The following SOCS2 variants were observed in gnomAD, a reference collection of about 807,000 sequenced individuals.
SOCS2 encodes suppressor of cytokine signaling 2, also known as CIS-2.
A neutral mutation model predicts 18.6 loss-of-function variants in SOCS2; 10 were observed. That is an observed-to-expected ratio of 0.54 (90% CI 0.33 to 0.91). The LOEUF is 0.91. SOCS2 is among the 40% of genes least tolerant of loss of function. SOCS2 has a pLI of 0.02. For missense variants in SOCS2, 231 were observed against 247.2 expected, an observed-to-expected ratio of 0.93 and a Z score of 0.44; for synonymous variants, 104 against 104.0, an observed-to-expected ratio of 1.00 and a Z score of 0.00.
the SOCS2 span, among the ~76,000 whole-genome samples, chr12:93,599,988 TTG>T: frequency 2.0e-5 from 3 of 152,236 alleles, no homozygotes; most frequent in Non-Finnish European, 4.4e-5. Context: ...CAGTTTTAGC[TTG>T]TCTTTTCACT....
chr12:93,596,356 G>A, the SOCS2 span, among the ~76,000 whole-genome samples: 2 of 152,214 alleles, frequency 1.3e-5, no homozygotes, highest in Non-Finnish European at 2.9e-5. Flanking sequence ...AAGTGGCAGA[G>A]CCGAGATTTG....
the SOCS2 span, among the ~76,000 whole-genome samples, chr12:93,620,187 A>G: frequency 6.6e-5 from 10 of 152,152 alleles, no homozygotes; most frequent in Non-Finnish European, 1.2e-4. Context: ...ACATTTTTAC[A>G]TATACTGTAT....
At chr12:93,617,091 A>G in the SOCS2 span, among the ~76,000 whole-genome samples, 1 of 152,214 alleles carries the variant, frequency 6.6e-6, no homozygotes, top group East Asian at 1.9e-4. Flanking sequence ...CAGGCAAACA[A>G]TTATATCACT....
chr12:93,588,902 G>A, the SOCS2 span, among the ~76,000 whole-genome samples: 2 of 152,240 alleles, frequency 1.3e-5, no homozygotes, highest in Non-Finnish European at 2.9e-5. Context: ...GATTACAGGC[G>A]TGAGCCACCG....
chr12:93,575,173 G>A lies in SOCS2; in HGVS notation c.591G>A (p.Gln197=). 6.5e-7 allele frequency: 1 copy of A among 1,530,986 alleles called. No homozygotes were observed. Among genetic ancestry groups the A allele is most frequent in the African/African-American group, 1.4e-5 (1 of 72,014 alleles). 94.8% of individuals were successfully genotyped at this position (1,530,986 alleles called of 1,614,324 possible). A position where few individuals can be genotyped will look rare whatever the true frequency, so the allele number is the denominator to read the frequency against. The change falls in exon 2 of 2, where the codon CAG becomes CAA. Residue 197 remains glutamine, a synonymous_variant. Coordinates refer to ENST00000551556, the MANE Select transcript of SOCS2 (RefSeq NM_001270471.2). The stretch of plus-strand genomic sequence containing the variant: ...ATTACTTGGAAGAATATAAATTCCA[G>A]GTATAAATGTTTCTCTTTTTTTAAA... The part of the protein sequence containing the change: ...LKDYLEEYKF[Q]V
In SOCS2 at chr12:93,575,278, A is replaced by G. The variant is rs1174067005; in HGVS notation, c.*99A>G. On this transcript the variant is annotated 3_prime_UTR_variant, in exon 2 of 2. Transcript: ENST00000551556. ...TGAGTGCTCTGGATAACTATATGGAATGCTTTCTAAGAACAGCTGAAGCTA... is the reference window on the plus strand; with the variant it reads ...TGAGTGCTCTGGATAACTATATGGAGTGCTTTCTAAGAACAGCTGAAGCTA... The G allele has an allele frequency of 1.3e-6, 1 of 776,570 alleles. No homozygotes were observed. The highest frequency in any genetic ancestry group is 1.8e-5 in the African/African-American group (1 of 56,896). The allele number at this position is 776,570 out of a possible 1,614,324, so 48.1% of individuals were successfully genotyped here.
At chr12:93,606,334 T>C in the SOCS2 span, among the ~76,000 whole-genome samples, 1 of 152,186 alleles carries the variant, frequency 6.6e-6, no homozygotes, top group Admixed American at 6.5e-5. Context: ...GTGGATAGTT[T>C]CTATTAATCC....
upstream of SOCS2, chr12:93,571,339 C>T (rs1440622276): frequency 6.6e-6 from 1 of 152,230 alleles, no homozygotes; most frequent in Non-Finnish European, 1.5e-5. Flanking sequence ...CTCGGAGCGC[C>T]GGGGAAGAGA....
chr12:93,580,687 T>C (rs1219575233), downstream of SOCS2, among the ~76,000 whole-genome samples: 2 of 150,964 alleles, frequency 1.3e-5, no homozygotes, highest in East Asian at 3.9e-4. Flanking sequence ...CCAGAGAAAG[T>C]TGTTTGACTT....
intron 1 of SOCS2, chr12:93,574,343 A>T (rs1382973006): frequency 1.3e-5 from 2 of 149,532 alleles, no homozygotes; most frequent in East Asian, 3.9e-4. Context: ...CTAACTTCTG[A>T]TTTTTTTCTA....
chr12:93,587,674 C>G (rs1285226446), downstream of SOCS2, among the ~76,000 whole-genome samples: 1 of 140,134 alleles, frequency 7.1e-6, no homozygotes, highest in Non-Finnish European at 1.5e-5. Context: ...GAGCGAGACT[C>G]TGTCTAAAAA....
chr12:93,606,573 G>C, the SOCS2 span, among the ~76,000 whole-genome samples: 17 of 152,176 alleles, frequency 1.1e-4, no homozygotes, highest in South Asian at 3.5e-3. Context: ...GTGTTTGCTT[G>C]ATTTCATCAC....
the SOCS2 span, among the ~76,000 whole-genome samples, chr12:93,610,103 T>C: frequency 0.015 from 2,323 of 152,310 alleles, 72 homozygotes; most frequent in African/African-American, 0.053. Context: ...ATTAAGTTTT[T>C]AACATATGAA....
At chr12:93,576,844 T>C (rs941732484), downstream of SOCS2, 1 of 152,224 alleles carries the variant, frequency 6.6e-6, no homozygotes, top group Admixed American at 6.5e-5. Flanking sequence ...CACAAAAGAT[T>C]GCTAGGTGTG....
At chr12:93,603,740 A>G in the SOCS2 span, among the ~76,000 whole-genome samples, 19 of 152,172 alleles carry the variant, frequency 1.2e-4, no homozygotes, top group African/African-American at 4.6e-4. Context: ...TGACAATTTA[A>G]AGGGCACGCA....
rs1414325684 is a variant in SOCS2, at chr12:93,575,966, A to C, written c.*787A>C. 6.5e-6 allele frequency: 1 copy of C among 152,688 alleles called. No individual in the cohort carries two copies. The highest frequency in any genetic ancestry group is 1.5e-5 in the Non-Finnish European group (1 of 68,048). The allele number at this position is 152,688 out of a possible 1,614,324, so 9.5% of individuals were successfully genotyped here. On this transcript the variant is annotated 3_prime_UTR_variant, in exon 2 of 2. Transcript: ENST00000551556. ...GTAGGTATAGGCATTCTACCCTTTGAAATAGCTGTGTCCCAACCTGTTGCC... is the reference window on the plus strand; with the variant it reads ...GTAGGTATAGGCATTCTACCCTTTGCAATAGCTGTGTCCCAACCTGTTGCC...
At chr12:93,612,488 T>C in the SOCS2 span, among the ~76,000 whole-genome samples, 2 of 152,198 alleles carry the variant, frequency 1.3e-5, no homozygotes, top group Non-Finnish European at 2.9e-5. Context: ...ACCAGTTTCA[T>C]ATTTTGGCAT....
chr12:93,576,404 G>T lies in SOCS2; in HGVS notation c.*1225G>T, dbSNP rs556902196. 1 of 152,320 alleles carries T rather than the reference G, an allele frequency of 6.6e-6. No homozygotes were observed. The highest frequency in any genetic ancestry group is 6.5e-5 in the Admixed American group (1 of 15,288). 9.4% of individuals were successfully genotyped at this position (152,320 alleles called of 1,614,324 possible). A position where few individuals can be genotyped will look rare whatever the true frequency, so the allele number is the denominator to read the frequency against. The stretch of plus-strand genomic sequence containing the variant: ...TAGAAACTACAGGCATTGTCAAGTG[G>T]CCGGGTCTTTTATAATTTGAATAGG... On this transcript the variant is annotated 3_prime_UTR_variant, in exon 2 of 2. Transcript: ENST00000551556.
At chr12:93,609,533 T>A in the SOCS2 span, among the ~76,000 whole-genome samples, 1 of 151,750 alleles carries the variant, frequency 6.6e-6, no homozygotes, top group Admixed American at 6.6e-5. Flanking sequence ...TAATAATAAT[T>A]ATTTATCTTA....
Sources: allele counts gnomAD v4.1 joint callset (sites outside exome capture counted in the v4.1 genomes callset), GRCh38; gene constraint gnomAD v4.1.1; transcripts MANE v1.5; gene names NCBI Gene and HGNC (gene_info 2026-07-23, HGNC 2026-07-21).